The following UGT2B11 variants were observed in gnomAD, a reference collection of about 807,000 sequenced individuals.
UGT2B11 encodes the protein UDP glucuronosyltransferase family 2 member B11.
Under a neutral mutation model 51.7 loss-of-function variants are expected in UGT2B11, and 49 were observed. That is an observed-to-expected ratio of 0.95 (90% CI 0.75 to 1.20). The LOEUF (loss-of-function observed/expected upper bound fraction) is 1.20. Among genes scored for constraint, UGT2B11 ranks in the 50% most tolerant of loss-of-function variants. UGT2B11 has a pLI of 0.00. For synonymous variants in UGT2B11, 273 were observed against 209.0 expected (o/e 1.31, Z -2.64); for missense variants, 810 against 622.1 (o/e 1.30, Z -3.21).
upstream of UGT2B11, among the ~76,000 whole-genome samples, chr4:69,217,137 T>G (rs961982368): frequency 6.6e-6 from 1 of 152,158 alleles, no homozygotes; most frequent in Non-Finnish European, 1.5e-5. Flanking sequence ...TTCTGAATAT[T>G]TGCAGCATTC....
the UGT2B11 span, among the ~76,000 whole-genome samples, chr4:69,220,855 G>A: frequency 2.0e-5 from 3 of 152,168 alleles, no homozygotes; most frequent in African/African-American, 4.8e-5. Flanking sequence ...AGGGCTCTCC[G>A]ATTTTGAAGG....
At chr4:69,204,178 A>G (rs1721762536) in intron 5 of UGT2B11, 2 of 299,704 alleles carry the variant, frequency 6.7e-6, no homozygotes, top group Non-Finnish European at 1.2e-5. Context: ...TGTATTTTTT[A>G]TATTATCTAT....
At chr4:69,205,866 T>C (rs1381090578) in intron 3 of UGT2B11, among the ~76,000 whole-genome samples, 5 of 151,704 alleles carry the variant, frequency 3.3e-5, no homozygotes, top group Non-Finnish European at 5.9e-5. Flanking sequence ...TCAACCATCA[T>C]ATGAAGAAAA....
At chr4:69,205,225 A>G (rs1373644666) in intron 4 of UGT2B11, among the ~76,000 whole-genome samples, 1 of 151,758 alleles carries the variant, frequency 6.6e-6, no homozygotes, top group African/African-American at 2.4e-5. Flanking sequence ...GAGACAGCCC[A>G]GGAAGATATT....
chr4:69,210,444 A>G (rs1228080846), intron 2 of UGT2B11, among the ~76,000 whole-genome samples: 1 of 151,638 alleles, frequency 6.6e-6, no homozygotes, highest in Non-Finnish European at 1.5e-5. Context: ...AAAAGAATGC[A>G]ACCTGGGTTA....
chr4:69,206,565 A>G (rs1721865027), intron 3 of UGT2B11, among the ~76,000 whole-genome samples: 1 of 151,358 alleles, frequency 6.6e-6, no homozygotes, highest in Admixed American at 6.6e-5. Context: ...CAGTACAACA[A>G]ACCCCCATGA....
At chr4:69,215,908 C>T (rs1175892613), upstream of UGT2B11, 1 of 151,974 alleles carries the variant, frequency 6.6e-6, no homozygotes, top group African/African-American at 2.4e-5. Context: ...AATAACTTAC[C>T]TAATACTTCA....
chr4:69,207,799 T>TA (rs564700849), intron 3 of UGT2B11, among the ~76,000 whole-genome samples: 82 of 151,734 alleles, frequency 5.4e-4, no homozygotes, highest in Non-Finnish European at 1.0e-3. Context: ...CAGAGTACGG[T>TA]AAGTAATAGA....
intron 3 of UGT2B11, among the ~76,000 whole-genome samples, chr4:69,206,511 A>C (rs868484885): frequency 6.6e-6 from 1 of 151,620 alleles, no homozygotes; most frequent in South Asian, 2.1e-4. Flanking sequence ...ATCAGGAAAA[A>C]TAATAAACGA....
At chr4:69,205,632 T>C in intron 3 of UGT2B11, 65 bp from the exon 4 acceptor site, 1 of 1,539,140 alleles carries the variant, frequency 6.5e-7, no homozygotes, top group Non-Finnish European at 8.9e-7. Context: ...ATGTTAGAAC[T>C]GTAGAAAGCA....
At chr4:69,222,751 T>C in the UGT2B11 span, among the ~76,000 whole-genome samples, 3 of 152,186 alleles carry the variant, frequency 2.0e-5, no homozygotes, top group Admixed American at 6.6e-5. Flanking sequence ...TTCCCTAAAT[T>C]TGCCTTTATC....
upstream of UGT2B11, among the ~76,000 whole-genome samples, chr4:69,217,967 T>C (rs1354664118): frequency 1.3e-5 from 2 of 152,130 alleles, no homozygotes; most frequent in Admixed American, 6.6e-5. Context: ...ATTCCACTAA[T>C]GAGGACTCTG....
upstream of UGT2B11, chr4:69,215,894 A>G (rs115872155): frequency 1.3e-5 from 2 of 152,086 alleles, no homozygotes; most frequent in Non-Finnish European, 2.9e-5. Flanking sequence ...TGAATAAATT[A>G]AATAATAACT....
At position 69,214,537 on chromosome 4, in the gene UGT2B11, A is replaced by C. The variant is rs747284901; in HGVS notation, c.186T>G (p.Ile62Met). The part of the protein sequence containing the change: ...EVTVLASSAS[I>M]LFDPNDASTL... ...TGGATGCATCATTGGGATCAAAAAG[A>C]ATGGAAGCTGAAGATGCCAGTACAG... Residue 62 changes from isoleucine to methionine, a missense_variant, in exon 1 of 6, where the codon ATT becomes ATG. Transcript: ENST00000446444. The C allele has an allele frequency of 9.3e-6, 15 of 1,613,120 alleles. No individual in the cohort carries two copies. In the South Asian group the frequency reaches 1.4e-4, roughly 15 times the overall value.
At chr4:69,209,791 T>C (rs1257822649) in intron 2 of UGT2B11, among the ~76,000 whole-genome samples, 2 of 151,610 alleles carry the variant, frequency 1.3e-5, no homozygotes, top group Admixed American at 6.6e-5. Flanking sequence ...TATCAGAGCC[T>C]TGTTTTTCTA....
chr4:69,222,539 G>C, the UGT2B11 span, among the ~76,000 whole-genome samples: 1 of 152,132 alleles, frequency 6.6e-6, no homozygotes, highest in African/African-American at 2.4e-5. Flanking sequence ...GGGAATTTTT[G>C]CCACTCCTCC....
chr4:69,203,859 T>G (rs1172692237), intron 5 of UGT2B11, among the ~76,000 whole-genome samples: 1 of 151,566 alleles, frequency 6.6e-6, no homozygotes, highest in Non-Finnish European at 1.5e-5. Context: ...GAGAAGTGAT[T>G]TTGGTGTCAT....
In UGT2B11 at chr4:69,210,950, T is replaced by C. The variant is rs1357822620; in HGVS notation, c.870+1623A>G. ...CCTTCAAAAAGAATATAATCTTATA[T>C]GCTGACAGAAGTTTCTTCATATTGA... On this transcript the variant is annotated intron_variant, in intron 2 of 5. Coordinates refer to ENST00000446444, the MANE Select transcript of UGT2B11 (RefSeq NM_001073.3). 2.0e-5 allele frequency: 3 copies of C among 151,650 alleles called. No homozygotes were observed. In the East Asian group the frequency reaches 5.8e-4, roughly 29 times the overall value. The allele number at this position is 151,650 out of a possible 1,614,324, so 9.4% of individuals were successfully genotyped here.
upstream of UGT2B11, among the ~76,000 whole-genome samples, chr4:69,218,902 C>G (rs1722339407): frequency 1.3e-5 from 2 of 152,148 alleles, no homozygotes; most frequent in African/African-American, 2.4e-5. Flanking sequence ...CTCTGCCAGT[C>G]CACATGTCCT....
Sources: allele counts gnomAD v4.1 joint callset (sites outside exome capture counted in the v4.1 genomes callset), GRCh38; gene constraint gnomAD v4.1.1; transcripts MANE v1.5; gene names NCBI Gene and HGNC (gene_info 2026-07-23, HGNC 2026-07-21).